TLE1: variants seen among roughly 807,000 people sequenced by gnomAD.
TLE1 encodes the protein TLE family member 1, transcriptional corepressor, also known as transducin-like enhancer protein 1.
In TLE1, 21 loss-of-function variants were observed where a neutral mutation model predicts 89.8. That is an observed-to-expected ratio of 0.23 (90% CI 0.17 to 0.34). The LOEUF (loss-of-function observed/expected upper bound fraction) is 0.34. TLE1 is among the 10% of genes least tolerant of loss of function. TLE1 has a pLI of 1.00. For synonymous variants in TLE1, 447 were observed against 407.6 expected (o/e 1.10, Z -1.16); for missense variants, 795 against 1,031.2 (o/e 0.77, Z 3.14).
Position 81,640,751 on chromosome 9 carries a change from G to A in TLE1, c.373-6450C>T, listed in dbSNP as rs1828004375. On this transcript the variant is annotated intron_variant, in intron 6 of 19. Coordinates refer to ENST00000376499, the MANE Select transcript of TLE1 (RefSeq NM_005077.5). ...ACTGACTTTGCTGTTTACATTCAGA[G>A]TGTTACTGTAATGGTATAGTTTCTA... Among the ~76,000 whole-genome samples, 3 of 152,246 alleles carry A rather than the reference G, an allele frequency of 2.0e-5. No individual in the cohort carries two copies. The South Asian group carries it at 6.2e-4, about 32-fold the overall frequency.
At chr9:81,589,846 T>C (rs571340541) in intron 16 of TLE1, among the ~76,000 whole-genome samples, 2 of 152,194 alleles carry the variant, frequency 1.3e-5, no homozygotes, top group Admixed American at 6.5e-5. Flanking sequence ...TTTGCTCACC[T>C]ACACTACCCA....
At chr9:81,676,741 C>G (rs1321813646) in intron 4 of TLE1, among the ~76,000 whole-genome samples, 2 of 152,280 alleles carry the variant, frequency 1.3e-5, no homozygotes, top group African/African-American at 4.8e-5. Context: ...CAATTTACAT[C>G]TGCTATCTTA....
At chr9:81,685,555 C>T (rs532751012) in intron 4 of TLE1, 121 bp downstream of exon 4, 7 of 961,342 alleles carry the variant, frequency 7.3e-6, no homozygotes, top group Non-Finnish European at 9.2e-6. Context: ...GACAGGAAAC[C>T]AAGGCAGAAA....
intron 8 of TLE1, among the ~76,000 whole-genome samples, chr9:81,631,211 G>A (rs1402899352): frequency 6.6e-6 from 1 of 152,182 alleles, no homozygotes; most frequent in Admixed American, 6.5e-5. Flanking sequence ...ACTTCTTGAA[G>A]GGGACAACCA....
intron 4 of TLE1, among the ~76,000 whole-genome samples, chr9:81,661,172 T>TTATATATATGTATTTTTA (rs1350311827): frequency 7.5e-6 from 1 of 132,842 alleles, no homozygotes; most frequent in African/African-American, 2.8e-5. Flanking sequence ...ACATATATAT[T>TTATATATATGTATTTTTA]TATATATATG....
intron 4 of TLE1, among the ~76,000 whole-genome samples, chr9:81,663,437 G>A (rs1198613323): frequency 2.6e-5 from 4 of 152,066 alleles, no homozygotes; most frequent in African/African-American, 4.8e-5. Context: ...TGATGAACTC[G>A]GCCCTGCCTG....
intron 4 of TLE1, among the ~76,000 whole-genome samples, chr9:81,678,626 C>T (rs1422595900): frequency 6.6e-6 from 1 of 151,530 alleles, no homozygotes; most frequent in Non-Finnish European, 1.5e-5. Flanking sequence ...ACCAGCCTGG[C>T]CAACATGGCA....
chr9:81,663,966 C>A (rs1831149618), intron 4 of TLE1, among the ~76,000 whole-genome samples: 1 of 152,036 alleles, frequency 6.6e-6, no homozygotes, highest in Non-Finnish European at 1.5e-5. Flanking sequence ...AAATTGCAAA[C>A]CTTAAGTAAA....
chr9:81,597,036 C>A (rs1009663629), intron 14 of TLE1, among the ~76,000 whole-genome samples: 15 of 152,192 alleles, frequency 9.9e-5, no homozygotes, highest in African/African-American at 3.4e-4. Context: ...CCAAACTTTG[C>A]TGTTAAATGA....
At chr9:81,688,138 GC>G (rs1834606576) in intron 1 of TLE1, 78 bp downstream of exon 1, 4 of 1,563,694 alleles carry the variant, frequency 2.6e-6, no homozygotes, top group Non-Finnish European at 2.6e-6. Context: ...GGCCTCAGAA[GC>G]CACCAGTCTC....
chr9:81,688,410 T>G lies in TLE1; in HGVS notation c.-170A>C, dbSNP rs547085283. On this transcript the variant is annotated 5_prime_UTR_variant, in exon 1 of 20. Transcript: ENST00000376499. ...GCACCGGCCACTCGGCGCCCGCAGC[T>G]GCTCCGGCTCCCGCTCCCGTCGGTG... 5 of 669,654 alleles carry G rather than the reference T, an allele frequency of 7.5e-6. No individual in the cohort carries two copies. The African/African-American group carries it at 9.7e-5, about 13-fold the overall frequency. The allele number at this position is 669,654 out of a possible 1,614,324, so 41.5% of individuals were successfully genotyped here. A position where few individuals can be genotyped will look rare whatever the true frequency, so the allele number is the denominator to read the frequency against.
intron 16 of TLE1, 96 bp from the exon 17 acceptor site, chr9:81,587,924 G>GCC: frequency 3.9e-6 from 4 of 1,019,636 alleles, no homozygotes; most frequent in Non-Finnish European, 5.4e-6. Flanking sequence ...GTGTGTGTGT[G>GCC]TGTGTGTGTG....
chr9:81,606,947 G>A (rs1831754629), intron 14 of TLE1, among the ~76,000 whole-genome samples: 1 of 151,682 alleles, frequency 6.6e-6, no homozygotes, highest in African/African-American at 2.4e-5. Context: ...TTTTAGGCCA[G>A]GCATGGTGGC....
intron 14 of TLE1, among the ~76,000 whole-genome samples, chr9:81,604,031 G>T (rs1482649319): frequency 6.6e-6 from 1 of 152,114 alleles, no homozygotes; most frequent in Non-Finnish European, 1.5e-5. Flanking sequence ...ACAAAAAAAG[G>T]TGATACAAGC....
chr9:81,688,097 C>T (rs1834595231), intron 1 of TLE1, 120 bp downstream of exon 1: 6 of 1,342,006 alleles, frequency 4.5e-6, no homozygotes, highest in Non-Finnish European at 6.2e-6. Context: ...CCTCCCCAGC[C>T]TTACACCGCT....
At chr9:81,662,194 C>T (rs1450645920) in intron 4 of TLE1, among the ~76,000 whole-genome samples, 1 of 152,146 alleles carries the variant, frequency 6.6e-6, no homozygotes, top group Non-Finnish European at 1.5e-5. Context: ...ATTTGCCCTC[C>T]TAATAAATCA....
intron 4 of TLE1, among the ~76,000 whole-genome samples, chr9:81,661,933 T>C (rs1157268486): frequency 6.6e-6 from 1 of 152,210 alleles, no homozygotes; most frequent in African/African-American, 2.4e-5. Context: ...CTGATGACAT[T>C]AAATTGGTAG....
intron 8 of TLE1, 123 bp from the exon 9 acceptor site, chr9:81,620,680 T>C: frequency 6.7e-7 from 1 of 1,485,424 alleles, no homozygotes; most frequent in Middle Eastern, 1.8e-4. Flanking sequence ...TTCCATTTAA[T>C]TCATCTCATC....
At chr9:81,615,206 G>A (rs1363824520) in intron 11 of TLE1, among the ~76,000 whole-genome samples, 1 of 148,736 alleles carries the variant, frequency 6.7e-6, no homozygotes, top group Non-Finnish European at 1.5e-5. Context: ...GTGAGTGCCT[G>A]TAATCCCAGC....
Sources: allele counts gnomAD v4.1 joint callset (sites outside exome capture counted in the v4.1 genomes callset), GRCh38; gene constraint gnomAD v4.1.1; transcripts MANE v1.5; gene names NCBI Gene and HGNC (gene_info 2026-07-23, HGNC 2026-07-21).